AGBL4: variants seen among roughly 807,000 people sequenced by gnomAD.
The protein encoded by AGBL4 is cytosolic carboxypeptidase 6.
In AGBL4, 58 loss-of-function variants were observed where a neutral mutation model predicts 66.4. The observed-to-expected ratio is 0.87, with a 90% CI of 0.71 to 1.09. AGBL4 has a LOEUF of 1.09. AGBL4 is among the 50% of genes least tolerant of loss of function. The pLI is 0.00. For missense variants in AGBL4, 579 were observed against 631.0 expected (o/e 0.92, Z 0.88); for synonymous variants, 234 against 222.9 (o/e 1.05, Z -0.44).
intron 3 of AGBL4, among the ~76,000 whole-genome samples, chr1:49,494,976 T>C (rs1318569546): frequency 6.6e-6 from 1 of 152,082 alleles, no homozygotes; most frequent in Non-Finnish European, 1.5e-5. Context: ...ACTTTAATTG[T>C]CATTTTTTGT....
intron 2 of AGBL4, among the ~76,000 whole-genome samples, chr1:49,782,632 A>T (rs1644363500): frequency 6.6e-6 from 1 of 152,214 alleles, no homozygotes; most frequent in Admixed American, 6.5e-5. Context: ...CTTAATAGCC[A>T]ATGCACAGTG....
chr1:49,432,455 A>C (rs1385496188), intron 3 of AGBL4, among the ~76,000 whole-genome samples: 1 of 152,148 alleles, frequency 6.6e-6, no homozygotes, highest in East Asian at 1.9e-4. Context: ...ATAACAGCCC[A>C]ACCCTCAGTT....
At chr1:49,206,685 C>T (rs985364315) in intron 4 of AGBL4, among the ~76,000 whole-genome samples, 6 of 151,992 alleles carry the variant, frequency 3.9e-5, no homozygotes, top group African/African-American at 1.4e-4. Context: ...ATACACTGCA[C>T]CTGCGTCACT....
chr1:49,194,188 G>C (rs1453174701), intron 4 of AGBL4, among the ~76,000 whole-genome samples: 1 of 151,940 alleles, frequency 6.6e-6, no homozygotes, highest in Non-Finnish European at 1.5e-5. Flanking sequence ...ATGAATCTGG[G>C]TGCTCCTGTA....
chr1:48,875,806 A>G (rs942399944), intron 5 of AGBL4, among the ~76,000 whole-genome samples: 1 of 152,230 alleles, frequency 6.6e-6, no homozygotes, highest in Admixed American at 6.5e-5. Context: ...CGTTTGAGGC[A>G]GGTATTGTTG....
rs920442178 is a variant in AGBL4 at position 49,035,224 on chromosome 1, G to T, written c.594+10360C>A. 2.6e-5 allele frequency among the ~76,000 whole-genome samples: 4 copies of T among 152,150 alleles called. No homozygotes were observed. The East Asian group carries it at 7.8e-4, about 30-fold the overall frequency. On this transcript the variant is annotated intron_variant, in intron 5 of 13. Transcript: ENST00000371839. Reference sequence around the variant, plus strand: ...AAGATATTAACATTAGAGGAAACTGGGTGAAGGTGTTACCAGTGGAAGGTA... The same window carrying T: ...AAGATATTAACATTAGAGGAAACTGTGTGAAGGTGTTACCAGTGGAAGGTA...
intron 6 of AGBL4, among the ~76,000 whole-genome samples, chr1:48,740,322 G>A (rs1649718968): frequency 2.0e-5 from 3 of 152,208 alleles, no homozygotes; most frequent in Non-Finnish European, 1.5e-5. Context: ...GAACCAGGAG[G>A]TCTGGCTTTC....
At chr1:49,311,965 T>G (rs1557829759) in intron 3 of AGBL4, among the ~76,000 whole-genome samples, 1 of 152,014 alleles carries the variant, frequency 6.6e-6, no homozygotes, top group Non-Finnish European at 1.5e-5. Context: ...CCAATAGAAA[T>G]GTATTGAAAT....
At chr1:49,338,999 AC>A (rs1000093041) in intron 3 of AGBL4, among the ~76,000 whole-genome samples, 18 of 152,028 alleles carry the variant, frequency 1.2e-4, no homozygotes, top group African/African-American at 4.1e-4. Flanking sequence ...AACCATCAAA[AC>A]CCAGGTCCAG....
chr1:49,798,204 C>T (rs187730869), intron 2 of AGBL4, among the ~76,000 whole-genome samples: 23 of 152,188 alleles, frequency 1.5e-4, no homozygotes, highest in Non-Finnish European at 2.9e-4. Flanking sequence ...TTTGGTTATA[C>T]TTATGCTATG....
In AGBL4 at chr1:49,383,803, A is replaced by T. The variant is rs200225809; in HGVS notation, c.283-137939T>A. Among the ~76,000 whole-genome samples the T allele has an allele frequency of 5.0e-4, 73 of 144,680 alleles. 1 individual carries two copies. In the East Asian group the frequency reaches 0.01, roughly 20 times the overall value. 94.9% of individuals were successfully genotyped at this position (144,680 alleles called of 152,430 possible). On this transcript the variant is annotated intron_variant, in intron 3 of 13. Coordinates refer to ENST00000371839, the MANE Select transcript of AGBL4 (RefSeq NM_032785.4). Reference sequence around the variant, plus strand: ...AACAAATGAGACTGTATATATATATATTTTTTTTTTTTGAGATGGTGTCTT... The same window carrying T: ...AACAAATGAGACTGTATATATATATTTTTTTTTTTTTTGAGATGGTGTCTT...
intron 3 of AGBL4, among the ~76,000 whole-genome samples, chr1:49,567,673 A>G (rs1644241581): frequency 6.6e-6 from 1 of 152,168 alleles, no homozygotes; most frequent in Non-Finnish European, 1.5e-5. Flanking sequence ...CCCATTCCTT[A>G]GATATTAAGC....
intron 3 of AGBL4, among the ~76,000 whole-genome samples, chr1:49,359,809 A>G (rs528228381): frequency 6.6e-6 from 1 of 152,074 alleles, no homozygotes; most frequent in East Asian, 1.9e-4. Context: ...CCGTGCCCTC[A>G]TTTTACTCAC....
At chr1:48,984,369 A>ACAGGGACCTGAACAGGGAAGCTCT (rs1188724879) in intron 5 of AGBL4, among the ~76,000 whole-genome samples, 2 of 151,512 alleles carry the variant, frequency 1.3e-5, no homozygotes, top group Admixed American at 1.3e-4. Context: ...CTATGCTCCC[A>ACAGGGACCTGAACAGGGAAGCTCT]CAGGGACCTG....
intron 6 of AGBL4, among the ~76,000 whole-genome samples, chr1:48,862,957 T>C (rs1326765817): frequency 6.6e-6 from 1 of 152,168 alleles, no homozygotes; most frequent in East Asian, 1.9e-4. Context: ...AAAATAGCTA[T>C]TAAAGAATGC....
chr1:49,062,463 C>T (rs72895673), intron 4 of AGBL4, among the ~76,000 whole-genome samples: 9,539 of 152,200 alleles, frequency 0.063, 861 homozygotes, highest in African/African-American at 0.21. Context: ...TCCCTACTGG[C>T]TAATCCAAGT....
intron 4 of AGBL4, among the ~76,000 whole-genome samples, chr1:49,171,359 C>T (rs1646735137): frequency 6.6e-6 from 1 of 152,136 alleles, no homozygotes; most frequent in Non-Finnish European, 1.5e-5. Flanking sequence ...TACACACCAC[C>T]TATATTCATC....
intron 2 of AGBL4, among the ~76,000 whole-genome samples, chr1:49,831,144 G>T (rs753000616): frequency 8.5e-5 from 13 of 152,266 alleles, no homozygotes; most frequent in Non-Finnish European, 1.9e-4. Context: ...ATTCTGTGAA[G>T]AAAGTCAATG....
At chr1:48,696,559 C>T (rs540891347) in intron 6 of AGBL4, among the ~76,000 whole-genome samples, 9 of 152,234 alleles carry the variant, frequency 5.9e-5, no homozygotes, top group African/African-American at 1.9e-4. Context: ...GATGTCTTTT[C>T]CTTTATAAAA....
Sources: allele counts gnomAD v4.1 joint callset (sites outside exome capture counted in the v4.1 genomes callset), GRCh38; gene constraint gnomAD v4.1.1; transcripts MANE v1.5; gene names NCBI Gene and HGNC (gene_info 2026-07-23, HGNC 2026-07-21).